The following JARID2 variants were observed in gnomAD, a reference collection of about 807,000 sequenced individuals.
JARID2 encodes the protein jumonji and AT-rich interaction domain containing 2.
Under a neutral mutation model 125.6 loss-of-function variants are expected in JARID2, and 21 were observed. That is an observed-to-expected ratio of 0.17 (90% CI 0.12 to 0.24). The LOEUF is 0.24. Among genes scored for constraint, JARID2 ranks in the 10% least tolerant of loss-of-function variants. The probability of loss-of-function intolerance (pLI) is 1.00; values close to 1 mark genes in which losing one functional copy is unlikely to be tolerated. For synonymous variants in JARID2, 736 were observed against 661.6 expected, an observed-to-expected ratio of 1.11 and a Z score of -1.73; for missense variants, 1,303 against 1,639.6, an observed-to-expected ratio of 0.79 and a Z score of 3.55.
At chr6:15,318,177 C>T (rs1762240334) in intron 1 of JARID2, among the ~76,000 whole-genome samples, 1 of 151,948 alleles carries the variant, frequency 6.6e-6, no homozygotes, top group Admixed American at 6.5e-5. Context: ...TGCCACTGCA[C>T]TGCAGCCTGG....
intron 3 of JARID2, among the ~76,000 whole-genome samples, chr6:15,412,554 C>A (rs1158394497): frequency 6.6e-6 from 1 of 152,122 alleles, no homozygotes; most frequent in Non-Finnish European, 1.5e-5. Context: ...AGTGACCCAC[C>A]CACCTCCGAA....
chr6:15,520,088 TCAATCAGATCTGCGG>T lies in JARID2; in HGVS notation c.3582_3596del (p.Asn1194_Gly1198del). The T allele has an allele frequency of 6.2e-7, 1 of 1,613,028 alleles. No individual in the cohort carries two copies. Among genetic ancestry groups the T allele is most frequent in the South Asian group, 1.1e-5 (1 of 90,914 alleles). Reference sequence around the variant, plus strand: ...AAACAGGAACAGATTATCAGTCTGGTCAATCAGATCTGCGGCAAAGTGTCTGGTAAAAACGGCAGC... The same window carrying T: ...AAACAGGAACAGATTATCAGTCTGGTCAAAGTGTCTGGTAAAAACGGCAGC... On this transcript the variant is annotated inframe_deletion, in exon 18 of 18. Coordinates refer to ENST00000341776, the MANE Select transcript of JARID2 (RefSeq NM_004973.4).
intron 3 of JARID2, among the ~76,000 whole-genome samples, chr6:15,436,238 A>G (rs575893230): frequency 4.6e-5 from 7 of 152,302 alleles, no homozygotes; most frequent in Non-Finnish European, 1.0e-4. Context: ...ATCGGATCAC[A>G]CGTGGGCTTG....
Position 15,507,334 on chromosome 6 carries a change from TC to T in JARID2, c.2661-8del. ...CGCCAGTTTGTAACGTCCCTCGTCT[TC>T]CCCTTTGCAGGCATGGATGGAACCT... On this transcript the variant is annotated splice_polypyrimidine_tract_variant and intron_variant, in intron 10 of 17. Transcript: ENST00000341776. The T allele has an allele frequency of 6.2e-7, 1 of 1,613,442 alleles. No homozygotes were observed. Among genetic ancestry groups the T allele is most frequent in the Non-Finnish European group, 8.5e-7 (1 of 1,179,392 alleles).
intron 1 of JARID2, among the ~76,000 whole-genome samples, chr6:15,297,183 C>A (rs1013533488): frequency 1.3e-5 from 2 of 152,164 alleles, no homozygotes; most frequent in South Asian, 4.1e-4. Flanking sequence ...AGGAGTCTCA[C>A]TCTGTTGCCC....
intron 1 of JARID2, among the ~76,000 whole-genome samples, chr6:15,277,377 A>C (rs911894864): frequency 6.6e-6 from 1 of 152,018 alleles, no homozygotes. Context: ...TTCTGCTTCA[A>C]CCTCCCAAAG....
chr6:15,378,752 G>A (rs1160683600), intron 2 of JARID2, among the ~76,000 whole-genome samples: 1 of 152,004 alleles, frequency 6.6e-6, no homozygotes. Context: ...CGTTGTTTCT[G>A]GATCTTTGAT....
chr6:15,263,557 A>G (rs1178977039), intron 1 of JARID2, among the ~76,000 whole-genome samples: 1 of 150,038 alleles, frequency 6.7e-6, no homozygotes, highest in African/African-American at 2.5e-5. Context: ...TTGGTGTGAA[A>G]TTGTTGAGAT....
At chr6:15,478,927 A>G (rs1245653196) in intron 5 of JARID2, among the ~76,000 whole-genome samples, 1 of 151,960 alleles carries the variant, frequency 6.6e-6, no homozygotes, top group African/African-American at 2.4e-5. Flanking sequence ...GGCTTCCCAA[A>G]GTGTTGAGAT....
chr6:15,349,262 T>G (rs528828405), intron 1 of JARID2, among the ~76,000 whole-genome samples: 1 of 152,302 alleles, frequency 6.6e-6, no homozygotes, highest in East Asian at 1.9e-4. Flanking sequence ...GACTTTTTGT[T>G]GGAGGTGGGA....
chr6:15,502,495 G>T (rs1032449891), intron 8 of JARID2, among the ~76,000 whole-genome samples: 1 of 152,198 alleles, frequency 6.6e-6, no homozygotes, highest in Non-Finnish European at 1.5e-5. Flanking sequence ...ATTGGCTGTT[G>T]GTTATCACTA....
chr6:15,507,010 A>G, intron 9 of JARID2, 126 bp from the exon 10 acceptor site: 1 of 672,340 alleles, frequency 1.5e-6, no homozygotes, highest in Non-Finnish European at 2.7e-6. Context: ...GACACTCTGC[A>G]AAGAGAGCGT....
At chr6:15,333,174 C>T (rs1762774441) in intron 1 of JARID2, among the ~76,000 whole-genome samples, 1 of 151,988 alleles carries the variant, frequency 6.6e-6, no homozygotes, top group Non-Finnish European at 1.5e-5. Flanking sequence ...CCTCGTGATC[C>T]ACCCGCCTCG....
intron 12 of JARID2, among the ~76,000 whole-genome samples, chr6:15,510,254 C>T (rs1435372724): frequency 8.5e-5 from 13 of 152,132 alleles, no homozygotes; most frequent in Non-Finnish European, 1.9e-4. Context: ...ATGTCCTCCT[C>T]TTGCCTGGGG....
intron 9 of JARID2, 61 bp from the exon 10 acceptor site, chr6:15,507,075 A>G (rs1047324186): frequency 8.5e-6 from 9 of 1,063,576 alleles, no homozygotes; most frequent in Non-Finnish European, 1.2e-5. Context: ...GTTGGGTTGA[A>G]CTGTGCTCTG....
chr6:15,475,791 C>G (rs1769313964), intron 5 of JARID2, among the ~76,000 whole-genome samples: 1 of 152,152 alleles, frequency 6.6e-6, no homozygotes. Context: ...CAGTTTTACT[C>G]CCTCATTTTT....
chr6:15,435,789 A>T (rs953825094), intron 3 of JARID2, among the ~76,000 whole-genome samples: 6 of 152,068 alleles, frequency 3.9e-5, no homozygotes, highest in African/African-American at 1.4e-4. Flanking sequence ...TGTTTGGCAC[A>T]TTGGAGTTTC....
At chr6:15,309,962 T>A (rs1317580135) in intron 1 of JARID2, among the ~76,000 whole-genome samples, 1 of 152,038 alleles carries the variant, frequency 6.6e-6, no homozygotes, top group East Asian at 1.9e-4. Context: ...ACAAAAAAAA[T>A]GGTACCTAGA....
chr6:15,248,986 G>A (rs999029837), intron 1 of JARID2: 2 of 984,138 alleles, frequency 2.0e-6, no homozygotes, highest in Admixed American at 1.2e-4. Context: ...GGAGCCGTAG[G>A]TCCCCAAAGG....
Sources: gnomAD v4.1 joint callset for allele counts (sites outside exome capture counted in the v4.1 genomes callset) on GRCh38, gnomAD v4.1.1 for gene constraint, MANE v1.5 for transcripts, NCBI Gene and HGNC (gene_info 2026-07-23, HGNC 2026-07-21) for gene names.